KPNA4: variants seen among roughly 807,000 people sequenced by gnomAD.
The protein encoded by KPNA4 is karyopherin subunit alpha 4.
KPNA4 carries 13 observed loss-of-function variants against 71.3 expected under a neutral mutation model. The ratio of observed to expected loss-of-function variants is 0.18; its 90% CI spans 0.12 to 0.29. The LOEUF (loss-of-function observed/expected upper bound fraction) is 0.29, where lower values mean the gene tolerates loss of function less well. KPNA4 is among the 10% of genes least tolerant of loss of function. The probability of loss-of-function intolerance (pLI) is 1.00; values close to 1 mark genes in which losing one functional copy is unlikely to be tolerated. For synonymous variants in KPNA4, 189 were observed against 195.2 expected, an observed-to-expected ratio of 0.97 and a Z score of 0.26; for missense variants, 334 against 603.2, an observed-to-expected ratio of 0.55 and a Z score of 4.67.
intron 1 of KPNA4, among the ~76,000 whole-genome samples, chr3:160,558,412 G>C (rs899810199): frequency 1.3e-5 from 2 of 152,208 alleles, no homozygotes; most frequent in Non-Finnish European, 2.9e-5. Context: ...GGCAGAAATA[G>C]TAAGAGGTTC....
At chr3:160,561,358 C>T (rs1489881591) in intron 1 of KPNA4, among the ~76,000 whole-genome samples, 1 of 151,500 alleles carries the variant, frequency 6.6e-6, no homozygotes, top group Non-Finnish European at 1.5e-5. Flanking sequence ...AGTTTGGTCA[C>T]TACCCATTTC....
intron 5 of KPNA4, among the ~76,000 whole-genome samples, chr3:160,532,611 T>C (rs1012424480): frequency 2.6e-5 from 4 of 152,234 alleles, no homozygotes; most frequent in African/African-American, 9.6e-5. Context: ...GTTTAGCTGA[T>C]AAGTCCTCAG....
chr3:160,504,541 G>T (rs962607627), intron 16 of KPNA4, among the ~76,000 whole-genome samples: 6 of 151,334 alleles, frequency 4.0e-5, no homozygotes, highest in Admixed American at 3.9e-4. Context: ...ATTTATTTTC[G>T]TATTTGTTTT....
At chr3:160,517,992 C>A (rs760430708) in intron 11 of KPNA4, among the ~76,000 whole-genome samples, 19 of 152,086 alleles carry the variant, frequency 1.2e-4, no homozygotes, top group Admixed American at 5.2e-4. Context: ...CTTATCAATT[C>A]TTTTTCTTTG....
chr3:160,554,008 A>G (rs538439956), intron 1 of KPNA4, among the ~76,000 whole-genome samples: 1 of 152,344 alleles, frequency 6.6e-6, no homozygotes, highest in Non-Finnish European at 1.5e-5. Context: ...CTCAGCCTGC[A>G]TTATGTAGAA....
intron 1 of KPNA4, among the ~76,000 whole-genome samples, chr3:160,539,905 T>G (rs1024469840): frequency 2.0e-5 from 3 of 152,092 alleles, no homozygotes; most frequent in Non-Finnish European, 4.4e-5. Context: ...CATATTTACA[T>G]AAATGTTTTG....
In KPNA4 at chr3:160,565,344, C is replaced by G. The variant is rs1722327085; in HGVS notation, c.-62G>C. The G allele has an allele frequency of 1.5e-6, 2 of 1,347,010 alleles. No homozygotes were observed. Among genetic ancestry groups the G allele is most frequent in the Non-Finnish European group, 2.1e-6 (2 of 964,012 alleles). 83.4% of individuals were successfully genotyped at this position (1,347,010 alleles called of 1,614,324 possible). On this transcript the variant is annotated 5_prime_UTR_variant, in exon 1 of 17. Transcript: ENST00000334256. ...GCGGGATCCGCCCCAACCAACGCGC[C>G]GCACCGACACTCCCAGGAACCGGGC...
chr3:160,548,315 C>T (rs1721966184), intron 1 of KPNA4, among the ~76,000 whole-genome samples: 3 of 152,016 alleles, frequency 2.0e-5, no homozygotes, highest in African/African-American at 7.2e-5. Flanking sequence ...TAGTAAAAAA[C>T]ACATAACATA....
chr3:160,535,394 T>C, intron 5 of KPNA4, 119 bp downstream of exon 5: 1 of 618,710 alleles, frequency 1.6e-6, no homozygotes, highest in Non-Finnish European at 2.8e-6. Flanking sequence ...CTATTACTAT[T>C]TACTATTGTT....
intron 1 of KPNA4, among the ~76,000 whole-genome samples, chr3:160,559,759 G>T (rs186101706): frequency 2.0e-5 from 3 of 151,906 alleles, no homozygotes; most frequent in African/African-American, 7.3e-5. Context: ...CACACACTTC[G>T]ACCAAAACAG....
In KPNA4 at chr3:160,516,018, ACT is replaced by A. The variant is rs772941308; in HGVS notation, c.904-440_904-439del. Among the ~76,000 whole-genome samples, 6 of 149,494 alleles carry A rather than the reference ACT, an allele frequency of 4.0e-5. 1 individual carries two copies. Among genetic ancestry groups the A allele is most frequent in the Non-Finnish European group, 7.4e-5 (5 of 67,164 alleles). On this transcript the variant is annotated intron_variant, in intron 11 of 16. Transcript: ENST00000334256. ...CTATTCTTTTTTGAGACGGAGTCTC[ACT>A]CTGTCGCCCAGGCTGAAGTGCAGTG...
At chr3:160,507,986 C>T in intron 15 of KPNA4, 121 bp downstream of exon 15, 1 of 744,622 alleles carries the variant, frequency 1.3e-6, no homozygotes, top group Non-Finnish European at 2.1e-6. Context: ...ACAATATTTA[C>T]TTTATTCTGT....
chr3:160,542,733 A>G (rs1035655052), intron 1 of KPNA4, among the ~76,000 whole-genome samples: 1 of 152,174 alleles, frequency 6.6e-6, no homozygotes, highest in Non-Finnish European at 1.5e-5. Flanking sequence ...TTAAGAAGTG[A>G]TAAGATTAAT....
In KPNA4 at chr3:160,541,649, G is replaced by GCACACACA. The variant is rs60806533; in HGVS notation, c.70-4817_70-4810dup. On this transcript the variant is annotated intron_variant, in intron 1 of 16. Transcript: ENST00000334256. ...AGCGGTTTTTAAAAGTTATATACGC[G>GCACACACA]CACACACACACACACACACACACAC... 6.1e-3 allele frequency among the ~76,000 whole-genome samples: 898 copies of GCACACACA among 146,734 alleles called. 4 individuals carry two copies. Among genetic ancestry groups the GCACACACA allele is most frequent in the Non-Finnish European group, 8.8e-3 (587 of 66,938 alleles).
Position 160,565,452 on chromosome 3 carries a change from G to GCCCGCCCC in KPNA4, c.-178_-171dup. On this transcript the variant is annotated 5_prime_UTR_variant, in exon 1 of 17. Transcript: ENST00000334256. ...TCCGCCGCGGCCTTCTCCTCTCCCC[G>GCCCGCCCC]CCCGCCCCCCCGCCCTAACCCCAGC... 1 of 592,380 alleles carries GCCCGCCCC rather than the reference G, an allele frequency of 1.7e-6. No individual in the cohort carries two copies. Among genetic ancestry groups the GCCCGCCCC allele is most frequent in the Non-Finnish European group, 3.0e-6 (1 of 337,256 alleles). The allele number at this position is 592,380 out of a possible 1,614,324, so 36.7% of individuals were successfully genotyped here. A position where few individuals can be genotyped will look rare whatever the true frequency, so the allele number is the denominator to read the frequency against.
chr3:160,524,425 C>T (rs1721421600), intron 10 of KPNA4, among the ~76,000 whole-genome samples: 1 of 152,114 alleles, frequency 6.6e-6, no homozygotes. Context: ...TCACTGCAGC[C>T]TTGACCTCCC....
chr3:160,565,107 C>T, intron 1 of KPNA4, 107 bp downstream of exon 1: 2 of 917,764 alleles, frequency 2.2e-6, no homozygotes, highest in Non-Finnish European at 3.4e-6. Flanking sequence ...CGCCATTCCC[C>T]GAGGCCTGGA....
rs951582546 is a variant in KPNA4, at chr3:160,499,456, A to C, written c.*2648T>G. 1.3e-5 allele frequency: 2 copies of C among 151,384 alleles called. No individual in the cohort carries two copies. The highest frequency in any genetic ancestry group is 6.6e-5 in the Admixed American group (1 of 15,090). 9.4% of individuals were successfully genotyped at this position (151,384 alleles called of 1,614,324 possible). On this transcript the variant is annotated 3_prime_UTR_variant, in exon 17 of 17. Coordinates refer to ENST00000334256, the MANE Select transcript of KPNA4 (RefSeq NM_002268.5). Reference sequence around the variant, plus strand: ...CAGAAATAAGCCTGTGTTAAAAATGAAACAATTTCCTAGATCACTGGAGAA... The same window carrying C: ...CAGAAATAAGCCTGTGTTAAAAATGCAACAATTTCCTAGATCACTGGAGAA...
At chr3:160,560,597 T>G (rs529763340) in intron 1 of KPNA4, among the ~76,000 whole-genome samples, 1 of 152,040 alleles carries the variant, frequency 6.6e-6, no homozygotes, top group South Asian at 2.1e-4. Flanking sequence ...ACCTTTGCAT[T>G]TTTTTTTCTA....
Sources: allele counts gnomAD v4.1 joint callset (sites outside exome capture counted in the v4.1 genomes callset), GRCh38; gene constraint gnomAD v4.1.1; transcripts MANE v1.5; gene names NCBI Gene and HGNC (gene_info 2026-07-23, HGNC 2026-07-21).